The following PAQR3 variants were observed in gnomAD, a reference collection of about 807,000 sequenced individuals.
The protein encoded by PAQR3 is progestin and adipoQ receptor family member 3, also known as Raf kinase trapping to Golgi.
In PAQR3, 39 loss-of-function variants were observed where a neutral mutation model predicts 41.7. The observed-to-expected ratio is 0.93, with a 90% CI of 0.72 to 1.22. PAQR3 has a LOEUF of 1.22. Among genes scored for constraint, PAQR3 ranks in the 50% most tolerant of loss-of-function variants. The pLI is 0.00. For missense variants in PAQR3, 366 were observed against 385.6 expected (o/e 0.95, Z 0.42); for synonymous variants, 140 against 140.6 (o/e 1.00, Z 0.03).
Position 78,930,185 on chromosome 4 carries a change from T to G in PAQR3, c.489A>C (p.Ala163=). 6.2e-7 allele frequency: 1 copy of G among 1,609,862 alleles called. No individual in the cohort carries two copies. Among genetic ancestry groups the G allele is most frequent in the Non-Finnish European group, 8.5e-7 (1 of 1,178,860 alleles). The change falls in exon 3 of 6, where the codon GCA becomes GCC. Residue 163 remains alanine, a synonymous_variant. Coordinates refer to ENST00000512733, the MANE Select transcript of PAQR3 (RefSeq NM_001040202.2). The stretch of plus-strand genomic sequence containing the variant: ...ATCTACTTACGTTATTACAATAAAA[T>G]GCGTAAAATACTCCTGAGACATAGC... ...LGCYVSGVFY[A]FYCNNYWRQV...
In PAQR3 at chr4:78,916,810, G is replaced by C. The variant is rs1338622742; in HGVS notation, c.*3729C>G. On this transcript the variant is annotated 3_prime_UTR_variant, in exon 6 of 6. Transcript: ENST00000512733. ...AATCCTCAATTATATCAGAAAAGAG[G>C]CTATGACACATTAAAGAGAAAACCT... 1 of 151,788 alleles carries C rather than the reference G, an allele frequency of 6.6e-6. No homozygotes were observed. The highest frequency in any genetic ancestry group is 1.5e-5 in the Non-Finnish European group (1 of 67,844). The allele number at this position is 151,788 out of a possible 1,614,324, so 9.4% of individuals were successfully genotyped here.
In PAQR3 at chr4:78,920,520, C is replaced by A; in HGVS notation, c.*19G>T. ...ATATATTGCTTAACAACTGAATTCA[C>A]CAGGTGGCCATACCTAATTCACAAA... On this transcript the variant is annotated 3_prime_UTR_variant, in exon 6 of 6. Coordinates refer to ENST00000512733, the MANE Select transcript of PAQR3 (RefSeq NM_001040202.2). 1 of 1,600,658 alleles carries A rather than the reference C, an allele frequency of 6.2e-7. No individual in the cohort carries two copies.
intron 11 of PAQR3, among the ~76,000 whole-genome samples, chr4:78,890,919 G>A (rs2110080024): frequency 6.6e-6 from 1 of 152,328 alleles, no homozygotes; most frequent in East Asian, 1.9e-4. Flanking sequence ...CCTAGGCTGG[G>A]TGGGGTGGCT....
chr4:78,927,956 A>G (rs1227889762), intron 3 of PAQR3, among the ~76,000 whole-genome samples: 1 of 152,204 alleles, frequency 6.6e-6, no homozygotes, highest in Non-Finnish European at 1.5e-5. Flanking sequence ...TTAAAAGGTA[A>G]AACGAGTCTT....
chr4:78,920,459 G>A lies in PAQR3; in HGVS notation c.*80C>T, dbSNP rs1735543006. The A allele has an allele frequency of 2.1e-6, 3 of 1,432,628 alleles. No individual in the cohort carries two copies. The highest frequency in any genetic ancestry group is 2.8e-6 in the Non-Finnish European group (3 of 1,089,162). The allele number at this position is 1,432,628 out of a possible 1,614,324, so 88.7% of individuals were successfully genotyped here. On this transcript the variant is annotated 3_prime_UTR_variant, in exon 6 of 6. Coordinates refer to ENST00000512733, the MANE Select transcript of PAQR3 (RefSeq NM_001040202.2). ...AAAAGGAAAAAGGGAAAACTAATGG[G>A]AATCTTAGAAATAGTGGGGTATACA... is the stretch of plus-strand genomic sequence containing the variant.
At chr4:78,928,965 T>C (rs1736534365) in intron 3 of PAQR3, among the ~76,000 whole-genome samples, 1 of 152,176 alleles carries the variant, frequency 6.6e-6, no homozygotes. Flanking sequence ...CAGTTCACAA[T>C]AGGGTTCGCG....
intron 2 of PAQR3, among the ~76,000 whole-genome samples, chr4:78,931,846 T>G (rs1260676299): frequency 6.6e-6 from 1 of 152,226 alleles, no homozygotes; most frequent in African/African-American, 2.4e-5. Context: ...ATAATATGAT[T>G]ATGACATTTC....
Position 78,939,202 on chromosome 4 carries a change from C to G in PAQR3, c.23G>C (p.Ser8Thr). ...GCTGCCCAGCTCGATGTAATGCGCGCTCTTCAGCAGCTTCTGATGCATCGT... is the reference window on the plus strand; with the variant it reads ...GCTGCCCAGCTCGATGTAATGCGCGGTCTTCAGCAGCTTCTGATGCATCGT... MHQKLLK[S>T]AHYIELGSYQ... Residue 8 changes from serine to threonine, a missense_variant, in exon 1 of 6, where the codon AGC becomes ACC. Physicochemically the swap from Ser to Thr is moderately conservative, Grantham distance 58 (BLOSUM62 1). Transcript: ENST00000512733. 3 of 1,608,246 alleles carry G rather than the reference C, an allele frequency of 1.9e-6. No individual in the cohort carries two copies. The highest frequency in any genetic ancestry group is 2.5e-6 in the Non-Finnish European group (3 of 1,177,604).
intron 11 of PAQR3, among the ~76,000 whole-genome samples, chr4:78,893,466 A>G (rs1733545906): frequency 6.6e-6 from 1 of 152,236 alleles, no homozygotes; most frequent in South Asian, 2.1e-4. Context: ...AATGAAATCT[A>G]GAATGGTGAA....
At chr4:78,927,228 G>C (rs1736332431) in intron 3 of PAQR3, among the ~76,000 whole-genome samples, 1 of 152,186 alleles carries the variant, frequency 6.6e-6, no homozygotes, top group South Asian at 2.1e-4. Context: ...CTCAAGGAAA[G>C]AGAACAGCAA....
downstream of PAQR3, chr4:78,911,413 C>T: frequency 6.2e-7 from 1 of 1,614,030 alleles, no homozygotes; most frequent in Non-Finnish European, 8.5e-7. Flanking sequence ...CCTTTTTGGG[C>T]TTGTGCCCTT....
At chr4:78,926,497 A>T (rs771913806) in intron 4 of PAQR3, 24 bp downstream of exon 4, 32 of 1,571,498 alleles carry the variant, frequency 2.0e-5, no homozygotes, top group Non-Finnish European at 2.7e-5. Context: ...AAAAAGAGAA[A>T]AATATTAACT....
intron 11 of PAQR3, among the ~76,000 whole-genome samples, chr4:78,903,108 T>C (rs1460276724): frequency 6.6e-6 from 1 of 152,046 alleles, no homozygotes; most frequent in African/African-American, 2.4e-5. Flanking sequence ...TTGTATTGTA[T>C]TGTATGCCAT....
chr4:78,911,193 A>T, downstream of PAQR3: 1 of 1,613,820 alleles, frequency 6.2e-7, no homozygotes, highest in Non-Finnish European at 8.5e-7. Context: ...ACCTCCCTCA[A>T]CACAGGTTTC....
rs112669923 is a variant in PAQR3 at position 78,894,874 on chromosome 4, G to T, written c.*837-6726C>A. On this transcript the variant is annotated intron_variant and NMD_transcript_variant, in intron 11 of 12. Coordinates refer to the PAQR3 transcript ENST00000342820. The stretch of plus-strand genomic sequence containing the variant: ...CTGAACACTTAGAGGCCATTGTGGG[G>T]TTATTAATTGGCCTAATTTCAATAT... Among the ~76,000 whole-genome samples, 26 of 152,290 alleles carry T rather than the reference G, an allele frequency of 1.7e-4. 1 individual carries two copies. The highest frequency in any genetic ancestry group is 6.0e-4 in the African/African-American group (25 of 41,566).
intron 11 of PAQR3, among the ~76,000 whole-genome samples, chr4:78,896,551 A>G (rs888592604): frequency 6.6e-6 from 1 of 152,216 alleles, no homozygotes; most frequent in Non-Finnish European, 1.5e-5. Flanking sequence ...AAGCACAAAA[A>G]GTGACTGGCA....
chr4:78,911,953 A>G lies in PAQR3; in HGVS notation c.*8586T>C. 6.2e-7 allele frequency: 1 copy of G among 1,614,042 alleles called. No individual in the cohort carries two copies. Among genetic ancestry groups the G allele is most frequent in the Non-Finnish European group, 8.5e-7 (1 of 1,179,890 alleles). On this transcript the variant is annotated 3_prime_UTR_variant, in exon 6 of 6. Transcript: ENST00000512733. The stretch of plus-strand genomic sequence containing the variant: ...CTTTACAGAACTTGTGGTGCAAAGC[A>G]TCACTCCACATCAGTCCCAACAGTC...
chr4:78,927,189 C>T (rs925770201), intron 3 of PAQR3, among the ~76,000 whole-genome samples: 1 of 152,156 alleles, frequency 6.6e-6, no homozygotes, highest in Non-Finnish European at 1.5e-5. Flanking sequence ...ACAGAGATGA[C>T]ATCTAAGATT....
chr4:78,937,120 C>T lies in PAQR3; in HGVS notation c.186-1837G>A, dbSNP rs150528967. ...GAATGTGTGTTTACAATTCCAAGCA[C>T]GGCCAACCCTTAGACTGATTCCTTA... On this transcript the variant is annotated intron_variant, in intron 1 of 5. Coordinates refer to ENST00000512733, the MANE Select transcript of PAQR3 (RefSeq NM_001040202.2). 2.6e-3 allele frequency among the ~76,000 whole-genome samples: 401 copies of T among 152,290 alleles called. 1 individual carries two copies. Among genetic ancestry groups the T allele is most frequent in the Non-Finnish European group, 4.5e-3 (304 of 68,026 alleles).
Sources: gnomAD v4.1 joint callset for allele counts (sites outside exome capture counted in the v4.1 genomes callset) on GRCh38, gnomAD v4.1.1 for gene constraint, MANE v1.5 for transcripts, NCBI Gene and HGNC (gene_info 2026-07-23, HGNC 2026-07-21) for gene names.